Variants in CLNK observed in about 807,000 individuals in gnomAD.
The protein encoded by CLNK is cytokine dependent hematopoietic cell linker, also known as cytokine-dependent hematopoietic cell linker.
CLNK carries 74 observed loss-of-function variants against 68.6 expected under a neutral mutation model. That is an observed-to-expected ratio of 1.08 (90% confidence interval 0.89 to 1.31). The LOEUF is 1.31. CLNK is among the 50% of genes most tolerant of loss of function. The pLI is 0.00. For synonymous variants in CLNK, 198 were observed against 172.2 expected (o/e 1.15, Z -1.17); for missense variants, 553 against 515.3 (o/e 1.07, Z -0.71).
intron 2 of CLNK, among the ~76,000 whole-genome samples, chr4:10,653,409 G>T (rs1723834314): frequency 6.6e-6 from 1 of 151,558 alleles, no homozygotes; most frequent in South Asian, 2.1e-4. Flanking sequence ...ACAAAATAAA[G>T]CTTATAGACT....
At chr4:10,515,706 A>G (rs546357827) in intron 15 of CLNK, among the ~76,000 whole-genome samples, 1 of 152,298 alleles carries the variant, frequency 6.6e-6, no homozygotes, top group Admixed American at 6.5e-5. Context: ...CAGAAACCCA[A>G]CATTTACACT....
chr4:10,713,024 C>CTTCT, the CLNK span, among the ~76,000 whole-genome samples: 1 of 152,202 alleles, frequency 6.6e-6, no homozygotes, highest in East Asian at 1.9e-4. Context: ...AACGTAGTCT[C>CTTCT]TGAGATCTTG....
intron 2 of CLNK, among the ~76,000 whole-genome samples, chr4:10,622,750 C>T (rs896688659): frequency 2.0e-5 from 3 of 152,098 alleles, no homozygotes; most frequent in Non-Finnish European, 4.4e-5. Flanking sequence ...CTGCTATAAC[C>T]GAATAGCATG....
chr4:10,531,754 T>C (rs1361635240), intron 12 of CLNK: 6 of 456,728 alleles, frequency 1.3e-5, no homozygotes, highest in Admixed American at 2.3e-5. Flanking sequence ...ATCCCTATTT[T>C]ATGGCTGAGG....
chr4:10,703,641 G>A, the CLNK span, among the ~76,000 whole-genome samples: 2 of 152,142 alleles, frequency 1.3e-5, no homozygotes, highest in Non-Finnish European at 2.9e-5. Context: ...AGGCGATTTT[G>A]TAGTTATGCA....
chr4:10,547,790 A>G (rs1719296174), intron 8 of CLNK, among the ~76,000 whole-genome samples: 1 of 152,162 alleles, frequency 6.6e-6, no homozygotes, highest in African/African-American at 2.4e-5. Flanking sequence ...ATGCCCTCCA[A>G]GTCCATCAGT....
chr4:10,550,953 C>T lies in CLNK; in HGVS notation c.445+7454G>A, dbSNP rs571965413. Among the ~76,000 whole-genome samples, 13 of 152,226 alleles carry T rather than the reference C, an allele frequency of 8.5e-5. No homozygotes were observed. In the South Asian group the frequency reaches 2.7e-3, roughly 32 times the overall value. ...GATTCCACGCAGCGAATCTGGTGGG[C>T]GAGATGACTGCTCAGCAATTAACCG... On this transcript the variant is annotated intron_variant, in intron 8 of 18. Transcript: ENST00000226951.
intron 18 of CLNK, among the ~76,000 whole-genome samples, chr4:10,497,216 G>C (rs1716846911): frequency 6.6e-6 from 1 of 152,204 alleles, no homozygotes; most frequent in African/African-American, 2.4e-5. Flanking sequence ...GGATTCAATA[G>C]ATCAAATTAG....
At chr4:10,611,982 A>G (rs921917758) in intron 2 of CLNK, among the ~76,000 whole-genome samples, 14 of 152,184 alleles carry the variant, frequency 9.2e-5, no homozygotes, top group African/African-American at 3.4e-4. Context: ...GCCATCATGA[A>G]CAATTGGCCA....
chr4:10,559,218 A>G (rs1719795474), intron 7 of CLNK, among the ~76,000 whole-genome samples: 1 of 152,134 alleles, frequency 6.6e-6, no homozygotes, highest in African/African-American at 2.4e-5. Context: ...GGGTCTTAGT[A>G]TTAGTCTTTA....
intron 8 of CLNK, among the ~76,000 whole-genome samples, chr4:10,558,137 C>A (rs1366637517): frequency 6.6e-6 from 1 of 152,096 alleles, no homozygotes; most frequent in Non-Finnish European, 1.5e-5. Flanking sequence ...TAATGCAATC[C>A]ATATGTTTCA....
At position 10,498,075 on chromosome 4, in the gene CLNK, A is replaced by G. The variant is rs1196335539; in HGVS notation, c.1140+3181T>C. On this transcript the variant is annotated intron_variant, in intron 18 of 18. Transcript: ENST00000226951. ...CTGGGCATGGTGGCGTATGCCTGTA[A>G]TCCCAGCTACTCGGGAGGCTGAGGC... is the stretch of plus-strand genomic sequence containing the variant. Among the ~76,000 whole-genome samples, 9 of 152,184 alleles carry G rather than the reference A, an allele frequency of 5.9e-5. 1 individual carries two copies. The highest frequency in any genetic ancestry group is 1.7e-4 in the African/African-American group (7 of 41,436).
intron 3 of CLNK, among the ~76,000 whole-genome samples, chr4:10,589,891 G>A (rs1721122294): frequency 6.6e-6 from 1 of 152,180 alleles, no homozygotes; most frequent in Non-Finnish European, 1.5e-5. Flanking sequence ...TCTTGCCAGG[G>A]AATTACAAGG....
At chr4:10,591,967 A>G (rs1309183144) in intron 3 of CLNK, among the ~76,000 whole-genome samples, 1 of 152,220 alleles carries the variant, frequency 6.6e-6, no homozygotes, top group Non-Finnish European at 1.5e-5. Context: ...GGAAGTGTTT[A>G]GTGCCACTCA....
In CLNK at chr4:10,486,880, T is replaced by G. The variant is rs1188933496; in HGVS notation, c.*3587A>C. 1 of 152,202 alleles carries G rather than the reference T, an allele frequency of 6.6e-6. No individual in the cohort carries two copies. The highest frequency in any genetic ancestry group is 2.4e-5 in the African/African-American group (1 of 41,444). The allele number at this position is 152,202 out of a possible 1,614,324, so 9.4% of individuals were successfully genotyped here. A position where few individuals can be genotyped will look rare whatever the true frequency, so the allele number is the denominator to read the frequency against. On this transcript the variant is annotated 3_prime_UTR_variant, in exon 19 of 19. Coordinates refer to ENST00000226951, the MANE Select transcript of CLNK (RefSeq NM_052964.4). ...AATGGGAAACTGACTTAGATTATCT[T>G]ATTTGTTTGTATATTTATTTGTCAT...
At chr4:10,710,843 C>G in the CLNK span, among the ~76,000 whole-genome samples, 1 of 152,144 alleles carries the variant, frequency 6.6e-6, no homozygotes, top group African/African-American at 2.4e-5. Context: ...TTTGTACAGT[C>G]CTCTTCACAT....
chr4:10,578,388 T>G (rs1225997981), intron 4 of CLNK, among the ~76,000 whole-genome samples: 2 of 152,060 alleles, frequency 1.3e-5, no homozygotes, highest in Non-Finnish European at 2.9e-5. Flanking sequence ...TGGGATCCCC[T>G]TCAGCTGTGA....
At chr4:10,545,296 C>G (rs890291114) in intron 8 of CLNK, among the ~76,000 whole-genome samples, 2 of 152,148 alleles carry the variant, frequency 1.3e-5, no homozygotes, top group African/African-American at 2.4e-5. Flanking sequence ...GGTACACATT[C>G]CTATTCTAAA....
chr4:10,610,588 C>G (rs1721976357), intron 2 of CLNK, among the ~76,000 whole-genome samples: 1 of 151,672 alleles, frequency 6.6e-6, no homozygotes, highest in African/African-American at 2.4e-5. Flanking sequence ...TCCTTTTTTT[C>G]TCTGTCTCGA....
Sources: gnomAD v4.1 joint callset for allele counts (sites outside exome capture counted in the v4.1 genomes callset) on GRCh38, gnomAD v4.1.1 for gene constraint, MANE v1.5 for transcripts, NCBI Gene and HGNC (gene_info 2026-07-23, HGNC 2026-07-21) for gene names.